MED24: variants seen among roughly 807,000 people sequenced by gnomAD.
MED24 encodes the protein mediator of RNA polymerase II transcription subunit 24.
In MED24, 74 loss-of-function variants were observed where a neutral mutation model predicts 118.8. The ratio of observed to expected loss-of-function variants is 0.62; its 90% CI spans 0.52 to 0.76. The LOEUF is 0.76. Ranked by LOEUF, MED24 falls within the 30% of genes least tolerant of loss-of-function variation. The pLI is 0.00. For missense variants in MED24, 1,041 were observed against 1,278.9 expected (o/e 0.81, Z 2.84); for synonymous variants, 521 against 523.9 (o/e 0.99, Z 0.08).
rs956291260 is a variant in MED24 at position 40,026,592 on chromosome 17, C to T, written c.1809+55G>A. On this transcript the variant is annotated intron_variant, in intron 18 of 25. Transcript: ENST00000394128. ...GCCCTTACGAAATATAACAAGTCATCACTGGCTGGCTCTGTGTCTCAGGGG... is the reference window on the plus strand; with the variant it reads ...GCCCTTACGAAATATAACAAGTCATTACTGGCTGGCTCTGTGTCTCAGGGG... 56 of 1,489,840 alleles carry T rather than the reference C, an allele frequency of 3.8e-5. No homozygotes were observed. The South Asian group carries it at 5.7e-4, about 15-fold the overall frequency. 92.3% of individuals were successfully genotyped at this position (1,489,840 alleles called of 1,614,324 possible).
At chr17:40,020,133 C>T in intron 24 of MED24, 140 bp downstream of exon 24, 1 of 1,055,396 alleles carries the variant, frequency 9.5e-7, no homozygotes, top group Non-Finnish European at 1.4e-6. Flanking sequence ...GGGGCCAGGA[C>T]AGCCAACAAT....
In MED24 at chr17:40,026,917, C is replaced by T. The variant is rs756379864; in HGVS notation, c.1648G>A (p.Asp550Asn). Residue 550 changes from aspartate (D) to asparagine (N), a missense_variant, in exon 17 of 26, where the codon GAC (aspartate) becomes AAC (asparagine). Physicochemically the swap from Asp to Asn is conservative, Grantham distance 23 (BLOSUM62 1). Coordinates refer to ENST00000394128, the MANE Select transcript of MED24 (RefSeq NM_014815.4). ...LNPDHPCFRP[D>N]STKVESLVAL... is the part of the protein sequence containing the mutation. The stretch of plus-strand genomic sequence containing the variant: ...ACCAGGGACTCCACTTTGGTGGAGT[C>T]GGGGCGGAAGCAGGGGTGGTCAGGG... The T allele has an allele frequency of 4.3e-6, 7 of 1,613,952 alleles. No homozygotes were observed. The highest frequency in any genetic ancestry group is 2.2e-5 in the South Asian group (2 of 91,086).
At chr17:40,032,842 G>A in intron 8 of MED24, 80 bp from the exon 9 acceptor site, 3 of 1,412,180 alleles carry the variant, frequency 2.1e-6, no homozygotes, top group Non-Finnish European at 2.0e-6. Context: ...GATTTGGCTG[G>A]GTCAGAGACT....
chr17:40,037,144 G>C (rs1212119145), intron 3 of MED24, among the ~76,000 whole-genome samples: 1 of 151,828 alleles, frequency 6.6e-6, no homozygotes, highest in Non-Finnish European at 1.5e-5. Context: ...TCTTGCCACC[G>C]CACTCTAACC....
Position 40,031,672 on chromosome 17 carries a change from T to A in MED24, c.985-52A>T, listed in dbSNP as rs190035348. ...GGTTTCCAGGGCCACCAGGCCCTGATCATCTCAGGCAACCTTGTCTGCTGG... is the reference window on the plus strand; with the variant it reads ...GGTTTCCAGGGCCACCAGGCCCTGAACATCTCAGGCAACCTTGTCTGCTGG... On this transcript the variant is annotated intron_variant, in intron 10 of 25. Transcript: ENST00000394128. The A allele has an allele frequency of 7.2e-6, 11 of 1,526,216 alleles. No homozygotes were observed. The African/African-American group carries it at 1.2e-4, about 17-fold the overall frequency. 94.5% of individuals were successfully genotyped at this position (1,526,216 alleles called of 1,614,324 possible).
At chr17:40,032,322 G>A in intron 9 of MED24, 3 of 585,458 alleles carry the variant, frequency 5.1e-6, no homozygotes, top group Non-Finnish European at 9.0e-6. Flanking sequence ...TAGCTCAACA[G>A]AAAAAGATGC....
At chr17:40,025,733 C>T (rs1462429591) in intron 19 of MED24, among the ~76,000 whole-genome samples, 3 of 152,116 alleles carry the variant, frequency 2.0e-5, no homozygotes, top group Non-Finnish European at 2.9e-5. Context: ...ATGAACTCAA[C>T]GTAACTGGTC....
In MED24 at chr17:40,033,245, C is replaced by T. The variant is rs757798202; in HGVS notation, c.672-39G>A. 50 of 1,612,548 alleles carry T rather than the reference C, an allele frequency of 3.1e-5. No homozygotes were observed. The East Asian group carries it at 5.3e-4, about 17-fold the overall frequency. On this transcript the variant is annotated intron_variant, in intron 7 of 25. Coordinates refer to ENST00000394128, the MANE Select transcript of MED24 (RefSeq NM_014815.4). This position sits in a 1 kb window ranked among gnomAD's most constrained non-coding sequence, Gnocchi z 5.2. ...AACACAGGGGACGGTGTTTGGGGGG[C>T]CAAAGGTGAAGGCGGAGAGGATGGC...
intron 13 of MED24, among the ~76,000 whole-genome samples, chr17:40,029,477 C>T (rs1422620194): frequency 6.6e-6 from 1 of 152,148 alleles, no homozygotes; most frequent in Non-Finnish European, 1.5e-5. Flanking sequence ...GGATTACAGG[C>T]GTGAGCCACC....
chr17:40,020,164 G>A, intron 24 of MED24, 109 bp downstream of exon 24: 1 of 1,171,650 alleles, frequency 8.5e-7, no homozygotes, highest in South Asian at 1.5e-5. Context: ...GAGAGGGAAG[G>A]GAGGGGCACC....
chr17:40,029,047 C>G lies in MED24; in HGVS notation c.1267-79G>C, dbSNP rs1352178080. On this transcript the variant is annotated intron_variant, in intron 13 of 25. Coordinates refer to ENST00000394128, the MANE Select transcript of MED24 (RefSeq NM_014815.4). ...AAGATACAGCCTAGCCACATTTTCT[C>G]TCTTCACAACCTGGAATGTAATCTA... The G allele has an allele frequency of 3.8e-6, 6 of 1,576,458 alleles. No homozygotes were observed. The Admixed American group carries it at 5.2e-5, about 14-fold the overall frequency.
intron 3 of MED24, among the ~76,000 whole-genome samples, chr17:40,051,782 G>T (rs960869021): frequency 1.3e-5 from 2 of 151,712 alleles, no homozygotes; most frequent in African/African-American, 4.8e-5. Context: ...AATTAGCCGG[G>T]TGTGGTGGCA....
In MED24 at chr17:40,043,890, C is replaced by CAAAAAAA. The variant is rs35743512; in HGVS notation, c.214-7743_214-7737dup. On this transcript the variant is annotated intron_variant, in intron 3 of 25. Coordinates refer to ENST00000394128, the MANE Select transcript of MED24 (RefSeq NM_014815.4). ...TGGGCAGAAGAGCGAGACTCCATCT[C>CAAAAAAA]AAAAAAAAAAAAAACAAAGATTTAA... Among the ~76,000 whole-genome samples, 33 of 97,458 alleles carry CAAAAAAA rather than the reference C, an allele frequency of 3.4e-4. No homozygotes were observed. The South Asian group carries it at 9.3e-3, about 27-fold the overall frequency. The allele number at this position is 97,458 out of a possible 152,430, so 63.9% of individuals were successfully genotyped here.
intron 16 of MED24, 135 bp downstream of exon 16, chr17:40,027,248 C>T (rs1270928035): frequency 2.6e-6 from 3 of 1,162,092 alleles, no homozygotes; most frequent in Admixed American, 2.9e-5. Context: ...GACTCCAGCC[C>T]GGGTGGGCAC....
intron 4 of MED24, 89 bp from the exon 5 acceptor site, chr17:40,035,884 T>G (rs11078935): frequency 0.36 from 466,172 of 1,288,314 alleles, 87,842 homozygotes; most frequent in Middle Eastern, 0.48. Context: ...GGACTCCTGC[T>G]CCTCTCTCCT....
intron 3 of MED24, among the ~76,000 whole-genome samples, chr17:40,037,702 G>A (rs1984103990): frequency 6.6e-6 from 1 of 152,122 alleles, no homozygotes; most frequent in Non-Finnish European, 1.5e-5. Context: ...ATGAGGTCAA[G>A]AGATCAAGAC....
intron 1 of MED24, 62 bp from the exon 2 acceptor site, chr17:40,053,697 A>G: frequency 6.3e-7 from 1 of 1,591,236 alleles, no homozygotes; most frequent in South Asian, 1.1e-5. Context: ...GAACCGGGGA[A>G]GGCAGAATTA....
Position 40,022,931 on chromosome 17 carries a change from G to C in MED24, c.2251-105C>G. ...CTGTCCAGTAAGGCCCGCAGAGGGG[G>C]CCCCAGATGTTGCTCCGCCCCTCAG... On this transcript the variant is annotated intron_variant, in intron 20 of 25. Transcript: ENST00000394128. The C allele has an allele frequency of 2.1e-6, 3 of 1,417,044 alleles. No individual in the cohort carries two copies. The Admixed American group carries it at 6.4e-5, about 30-fold the overall frequency. 87.8% of individuals were successfully genotyped at this position (1,417,044 alleles called of 1,614,324 possible). A position where few individuals can be genotyped will look rare whatever the true frequency, so the allele number is the denominator to read the frequency against.
intron 3 of MED24, among the ~76,000 whole-genome samples, chr17:40,046,146 G>A (rs1231718023): frequency 2.2e-5 from 3 of 137,158 alleles, no homozygotes; most frequent in South Asian, 4.6e-4. Flanking sequence ...GCGCAGTGGC[G>A]CGATCTCTGC....
Sources: gnomAD v4.1 joint callset for allele counts (sites outside exome capture counted in the v4.1 genomes callset) on GRCh38, gnomAD v4.1.1 for gene constraint, Gnocchi (gnomAD v3.1) non-coding constraint, MANE v1.5 for transcripts, NCBI Gene and HGNC (gene_info 2026-07-23, HGNC 2026-07-21) for gene names.